ATXN1L: variants seen among roughly 807,000 people sequenced by gnomAD.
ATXN1L encodes ataxin-1-like.
ATXN1L carries 8 observed loss-of-function variants against 43.4 expected under a neutral mutation model. The ratio of observed to expected loss-of-function variants is 0.18; its 90% CI spans 0.11 to 0.33. The LOEUF (loss-of-function observed/expected upper bound fraction) is 0.33, where lower values mean the gene tolerates loss of function less well. Among genes scored for constraint, ATXN1L ranks in the 10% least tolerant of loss-of-function variants. The probability of loss-of-function intolerance (pLI) is 1.00; values close to 1 mark genes in which losing one functional copy is unlikely to be tolerated. For missense variants in ATXN1L, 856 were observed against 885.4 expected, an observed-to-expected ratio of 0.97 and a Z score of 0.42; for synonymous variants, 379 against 360.6, an observed-to-expected ratio of 1.05 and a Z score of -0.58.
rs2033544693 is a variant in ATXN1L at position 71,855,710 on chromosome 16, G to C, written c.*3900G>C. 6.0e-6 allele frequency: 1 copy of C among 167,070 alleles called. No homozygotes were observed. Among genetic ancestry groups the C allele is most frequent in the Non-Finnish European group, 1.5e-5 (1 of 68,118 alleles). The allele number at this position is 167,070 out of a possible 1,614,324, so 10.3% of individuals were successfully genotyped here. ...ACCTAGTCGATTGAATTGGCCATGG[G>C]AAGTTAGGTCACAGTCTTATAAACA... On this transcript the variant is annotated 3_prime_UTR_variant, in exon 3 of 3. Transcript: ENST00000427980.
In ATXN1L at chr16:71,854,415, C is replaced by T. The variant is rs537816086; in HGVS notation, c.*2605C>T. 1.3e-4 allele frequency: 22 copies of T among 167,164 alleles called. No individual in the cohort carries two copies. The highest frequency in any genetic ancestry group is 4.6e-4 in the Admixed American group (7 of 15,298). 10.4% of individuals were successfully genotyped at this position (167,164 alleles called of 1,614,324 possible). ...AGCAGTTCCTGTAATACCACAATAT[C>T]GTTCCATGCATATATAACATATTAA... On this transcript the variant is annotated 3_prime_UTR_variant, in exon 3 of 3. Coordinates refer to ENST00000427980, the MANE Select transcript of ATXN1L (RefSeq NM_001137675.4).
Position 71,850,407 on chromosome 16 carries a change from G to T in ATXN1L, c.667G>T (p.Ala223Ser). 1 of 1,551,588 alleles carries T rather than the reference G, an allele frequency of 6.4e-7. No individual in the cohort carries two copies. The highest frequency in any genetic ancestry group is 8.7e-7 in the Non-Finnish European group (1 of 1,146,936). The change falls in exon 3 of 3, where the codon GCT becomes TCT. Residue 223 changes from alanine to serine, a missense_variant. Physicochemically the swap from Ala to Ser is moderately conservative, Grantham distance 99. Transcript: ENST00000427980. ...TTCAAGTACTCAGCCGCTGGACCTT[G>T]CTCCAGGTCGGATGCCCATTTATTA... is the stretch of plus-strand genomic sequence containing the variant. ...HHSSTQPLDL[A>S]PGRMPIYYQM...
In ATXN1L at chr16:71,851,440, C is replaced by G; in HGVS notation, c.1700C>G (p.Pro567Arg). The G allele has an allele frequency of 6.4e-7, 1 of 1,551,596 alleles. No individual in the cohort carries two copies. The highest frequency in any genetic ancestry group is 8.7e-7 in the Non-Finnish European group (1 of 1,146,970). Residue 567 changes from proline (P) to arginine (R), a missense_variant, in exon 3 of 3, where the codon CCC (proline) becomes CGC (arginine). Around this residue, in one of 7 missense-constraint regions of ATXN1L, gnomAD observed 185 missense variants for 176.8 expected, o/e 1.05. Coordinates refer to ENST00000427980, the MANE Select transcript of ATXN1L (RefSeq NM_001137675.4). This position sits in a 1 kb window ranked among gnomAD's most constrained non-coding sequence, Gnocchi z 4.9. ...CGGACGACACAACTCTTCTCTCTGC[C>G]CTGCCATCGGCTACAGGTGGGAGAT... ...PGRTTQLFSL[P>R]CHRLQVGDVC...
At position 71,856,214 on chromosome 16, in the gene ATXN1L, G is replaced by C. The variant is rs1014354999; in HGVS notation, c.*4404G>C. 6.0e-6 allele frequency: 1 copy of C among 167,040 alleles called. No individual in the cohort carries two copies. Among genetic ancestry groups the C allele is most frequent in the African/African-American group, 2.4e-5 (1 of 41,430 alleles). 10.3% of individuals were successfully genotyped at this position (167,040 alleles called of 1,614,324 possible). A position where few individuals can be genotyped will look rare whatever the true frequency, so the allele number is the denominator to read the frequency against. On this transcript the variant is annotated 3_prime_UTR_variant, in exon 3 of 3. Transcript: ENST00000427980. ...CATAAATGCACTTTTCACACTAAAG[G>C]TTTCTTTATTAGTTCTCCAGTTAAA...
rs1054336695 is a variant in ATXN1L at position 71,850,297 on chromosome 16, C to T, written c.557C>T (p.Thr186Ile). The stretch of plus-strand genomic sequence containing the variant: ...GCCTCACTTCTGGCTGAAGGAGCCA[C>T]TCCTCCCCCACAGGCTCCCTCCCCG... ...PYASLLAEGA[T>I]PPPQAPSPAH... Residue 186 changes from threonine (T) to isoleucine (I), a missense_variant, in exon 3 of 3, where the codon ACT becomes ATT. By Grantham distance (89) the Thr-to-Ile change is moderately conservative (BLOSUM62 -1). Around this residue, in one of 7 missense-constraint regions of ATXN1L, gnomAD observed 490 missense variants for 449.4 expected, o/e 1.09. Transcript: ENST00000427980. The T allele has an allele frequency of 6.4e-7, 1 of 1,551,722 alleles. No individual in the cohort carries two copies. The highest frequency in any genetic ancestry group is 1.4e-5 in the African/African-American group (1 of 73,182).
In ATXN1L at chr16:71,846,120, A is replaced by G; in HGVS notation, c.-180+16A>G. The G allele has an allele frequency of 5.3e-6, 1 of 187,878 alleles. No homozygotes were observed. Among genetic ancestry groups the G allele is most frequent in the South Asian group, 6.8e-5 (1 of 14,780 alleles). The allele number at this position is 187,878 out of a possible 1,614,324, so 11.6% of individuals were successfully genotyped here. On this transcript the variant is annotated intron_variant, in intron 1 of 2. Coordinates refer to ENST00000427980, the MANE Select transcript of ATXN1L (RefSeq NM_001137675.4). ...AAATGGGCTGGTGAGTGTCCCTGGA[A>G]GTGGTGGCCGCCGGGGCCAGGCAGG...
intron 1 of ATXN1L, among the ~76,000 whole-genome samples, chr16:71,847,671 T>G (rs1226614138): frequency 6.6e-6 from 1 of 152,178 alleles, no homozygotes; most frequent in Non-Finnish European, 1.5e-5. Context: ...GCTTCCATTT[T>G]TATTTGTGCG....
Position 71,857,003 on chromosome 16 carries a change from C to T in ATXN1L, c.*5193C>T, listed in dbSNP as rs2033557433. 6.0e-6 allele frequency: 1 copy of T among 167,100 alleles called. No individual in the cohort carries two copies. The highest frequency in any genetic ancestry group is 1.5e-5 in the Non-Finnish European group (1 of 68,124). 10.4% of individuals were successfully genotyped at this position (167,100 alleles called of 1,614,324 possible). A position where few individuals can be genotyped will look rare whatever the true frequency, so the allele number is the denominator to read the frequency against. The stretch of plus-strand genomic sequence containing the variant: ...CTAAAGCCTTAGAACTAGTCAGGTG[C>T]TCCCTCCACCCAATACCATTTCTTA... On this transcript the variant is annotated 3_prime_UTR_variant, in exon 3 of 3. Transcript: ENST00000427980.
Position 71,855,645 on chromosome 16 carries a change from A to G in ATXN1L, c.*3835A>G, listed in dbSNP as rs2033544001. 1 of 167,144 alleles carries G rather than the reference A, an allele frequency of 6.0e-6. No homozygotes were observed. Among genetic ancestry groups the G allele is most frequent in the African/African-American group, 2.4e-5 (1 of 41,444 alleles). The allele number at this position is 167,144 out of a possible 1,614,324, so 10.4% of individuals were successfully genotyped here. ...GCTGGAGATGAAGGGTTGGACATGG[A>G]TTGACTGGGAAAAGGCCTGGGTCCA... On this transcript the variant is annotated 3_prime_UTR_variant, in exon 3 of 3. Coordinates refer to ENST00000427980, the MANE Select transcript of ATXN1L (RefSeq NM_001137675.4).
intron 1 of ATXN1L, among the ~76,000 whole-genome samples, chr16:71,847,024 C>T (rs972933925): frequency 6.6e-6 from 1 of 152,178 alleles, no homozygotes; most frequent in African/African-American, 2.4e-5. Context: ...ATTTATGCCA[C>T]TGTGTAATAA....
Position 71,851,115 on chromosome 16 carries a change from C to A in ATXN1L, c.1375C>A (p.Pro459Thr). Residue 459 changes from proline (P) to threonine (T), a missense_variant, in exon 3 of 3, where the codon CCC becomes ACC. Physicochemically the swap from Pro to Thr is conservative, Grantham distance 38. Transcript: ENST00000427980. The surrounding 1 kb of genome is among the most constrained non-coding windows in gnomAD (Gnocchi z 4.9). ...CCCAGACAAGGAGCCAACGCCGCCC[C>A]CCATTACCTCCTCTCACTTGCCTTC... ...TFPDKEPTPP[P>T]ITSSHLPSHF... The A allele has an allele frequency of 6.4e-7, 1 of 1,551,640 alleles. No individual in the cohort carries two copies. Among genetic ancestry groups the A allele is most frequent in the East Asian group, 2.4e-5 (1 of 40,916 alleles).
chr16:71,855,632 G>A lies in ATXN1L; in HGVS notation c.*3822G>A, dbSNP rs569672737. On this transcript the variant is annotated 3_prime_UTR_variant, in exon 3 of 3. Coordinates refer to ENST00000427980, the MANE Select transcript of ATXN1L (RefSeq NM_001137675.4). Reference sequence around the variant, plus strand: ...GTTGAGTGATCACGCTGGAGATGAAGGGTTGGACATGGATTGACTGGGAAA... The same window carrying A: ...GTTGAGTGATCACGCTGGAGATGAAAGGTTGGACATGGATTGACTGGGAAA... 1 of 167,282 alleles carries A rather than the reference G, an allele frequency of 6.0e-6. No homozygotes were observed. The highest frequency in any genetic ancestry group is 1.9e-4 in the East Asian group (1 of 5,192). 10.4% of individuals were successfully genotyped at this position (167,282 alleles called of 1,614,324 possible). A position where few individuals can be genotyped will look rare whatever the true frequency, so the allele number is the denominator to read the frequency against.
Position 71,851,709 on chromosome 16 carries a change from A to G in ATXN1L, c.1969A>G (p.Ser657Gly). 1.3e-6 allele frequency: 2 copies of G among 1,483,400 alleles called. No individual in the cohort carries two copies. Among genetic ancestry groups the G allele is most frequent in the Non-Finnish European group, 9.0e-7 (1 of 1,112,098 alleles). The allele number at this position is 1,483,400 out of a possible 1,614,324, so 91.9% of individuals were successfully genotyped here. The change falls in exon 3 of 3, where the codon AGC becomes GGC. Residue 657 changes from serine to glycine, a missense_variant. By Grantham distance (56) the Ser-to-Gly change is moderately conservative (BLOSUM62 0). This residue lies in a region of ATXN1L where 185 missense variants were observed against 176.8 expected (regional missense o/e 1.05). Coordinates refer to ENST00000427980, the MANE Select transcript of ATXN1L (RefSeq NM_001137675.4). The surrounding 1 kb of genome is among the most constrained non-coding windows in gnomAD (Gnocchi z 4.9). ...GCCAGCCCCGAGCTTCCAAAGATACAGCATGCAAGGGGAGGAGGCACGGGC... is the reference window on the plus strand; with the variant it reads ...GCCAGCCCCGAGCTTCCAAAGATACGGCATGCAAGGGGAGGAGGCACGGGC... ...CWPAPSFQRYSMQGEEARAAL... is the reference protein window; with the variant it reads ...CWPAPSFQRYGMQGEEARAAL...
rs2033498778 is a variant in ATXN1L, at chr16:71,851,228, T to C, written c.1488T>C (p.Ser496=). The C allele has an allele frequency of 6.4e-7, 1 of 1,551,516 alleles. No individual in the cohort carries two copies. Among genetic ancestry groups the C allele is most frequent in the African/African-American group, 1.4e-5 (1 of 73,024 alleles). The change falls in exon 3 of 3, where the codon AGT becomes AGC. Residue 496 remains serine (S), a synonymous_variant. Coordinates refer to ENST00000427980, the MANE Select transcript of ATXN1L (RefSeq NM_001137675.4). The surrounding 1 kb of genome is among the most constrained non-coding windows in gnomAD (Gnocchi z 4.9). ...EDLQTQDFVR[S]AEVSGGLKID... The stretch of plus-strand genomic sequence containing the variant: ...TCCAGACCCAGGATTTTGTGCGCAG[T>C]GCCGAAGTGAGCGGGGGGCTGAAGA...
Position 71,855,278 on chromosome 16 carries a change from A to G in ATXN1L, c.*3468A>G, listed in dbSNP as rs935958479. On this transcript the variant is annotated 3_prime_UTR_variant, in exon 3 of 3. Coordinates refer to ENST00000427980, the MANE Select transcript of ATXN1L (RefSeq NM_001137675.4). ...GTGCTGTTGGGAGCCCTCTGGCTCC[A>G]AATGTCTGACTATCTTGAGGGAGAA... The G allele has an allele frequency of 1.2e-5, 2 of 167,158 alleles. No individual in the cohort carries two copies. The highest frequency in any genetic ancestry group is 4.8e-5 in the African/African-American group (2 of 41,480). 10.4% of individuals were successfully genotyped at this position (167,158 alleles called of 1,614,324 possible). A position where few individuals can be genotyped will look rare whatever the true frequency, so the allele number is the denominator to read the frequency against.
chr16:71,846,117 G>C lies in ATXN1L; in HGVS notation c.-180+13G>C, dbSNP rs1395305574. ...GTGAAATGGGCTGGTGAGTGTCCCT[G>C]GAAGTGGTGGCCGCCGGGGCCAGGC... On this transcript the variant is annotated intron_variant, in intron 1 of 2. Transcript: ENST00000427980. 2 of 188,906 alleles carry C rather than the reference G, an allele frequency of 1.1e-5. No individual in the cohort carries two copies. Among genetic ancestry groups the C allele is most frequent in the African/African-American group, 4.8e-5 (2 of 41,866 alleles). 11.7% of individuals were successfully genotyped at this position (188,906 alleles called of 1,614,324 possible). A position where few individuals can be genotyped will look rare whatever the true frequency, so the allele number is the denominator to read the frequency against.
Position 71,853,330 on chromosome 16 carries a change from T to C in ATXN1L, c.*1520T>C, listed in dbSNP as rs1192556428. Reference sequence around the variant, plus strand: ...ATCAGCTCAGACCGTGGGGTTCCACTGGGTATTGGGAATTAGGCTCCCCCA... The same window carrying C: ...ATCAGCTCAGACCGTGGGGTTCCACCGGGTATTGGGAATTAGGCTCCCCCA... On this transcript the variant is annotated 3_prime_UTR_variant, in exon 3 of 3. Transcript: ENST00000427980. 1 of 166,938 alleles carries C rather than the reference T, an allele frequency of 6.0e-6. No homozygotes were observed. The highest frequency in any genetic ancestry group is 1.9e-4 in the East Asian group (1 of 5,190). The allele number at this position is 166,938 out of a possible 1,614,324, so 10.3% of individuals were successfully genotyped here. A position where few individuals can be genotyped will look rare whatever the true frequency, so the allele number is the denominator to read the frequency against.
At position 71,854,146 on chromosome 16, in the gene ATXN1L, T is replaced by C. The variant is rs369186662; in HGVS notation, c.*2336T>C. ...GGCTCATCAACTGAATTTAGTGACATGTACACAGTAGATGCTCAAGCAGTG... is the reference window on the plus strand; with the variant it reads ...GGCTCATCAACTGAATTTAGTGACACGTACACAGTAGATGCTCAAGCAGTG... On this transcript the variant is annotated 3_prime_UTR_variant, in exon 3 of 3. Coordinates refer to ENST00000427980, the MANE Select transcript of ATXN1L (RefSeq NM_001137675.4). 3.0e-5 allele frequency: 5 copies of C among 167,232 alleles called. No homozygotes were observed. The highest frequency in any genetic ancestry group is 1.2e-4 in the African/African-American group (5 of 41,586). 10.4% of individuals were successfully genotyped at this position (167,232 alleles called of 1,614,324 possible). A position where few individuals can be genotyped will look rare whatever the true frequency, so the allele number is the denominator to read the frequency against.
chr16:71,851,683 G>T lies in ATXN1L; in HGVS notation c.1943G>T (p.Trp648Leu). 1 of 1,500,862 alleles carries T rather than the reference G, an allele frequency of 6.7e-7. No homozygotes were observed. The highest frequency in any genetic ancestry group is 8.9e-7 in the Non-Finnish European group (1 of 1,119,642). 93.0% of individuals were successfully genotyped at this position (1,500,862 alleles called of 1,614,324 possible). Residue 648 changes from tryptophan (W) to leucine (L), a missense_variant, in exon 3 of 3, where the codon TGG becomes TTG. Physicochemically the swap from Trp to Leu is moderately conservative, Grantham distance 61. Around this residue, in one of 7 missense-constraint regions of ATXN1L, gnomAD observed 185 missense variants for 176.8 expected, o/e 1.05. Coordinates refer to ENST00000427980, the MANE Select transcript of ATXN1L (RefSeq NM_001137675.4). This position sits in a 1 kb window ranked among gnomAD's most constrained non-coding sequence, Gnocchi z 4.9. ...CCTGAGTCCGGTGCTCAGGCCTGCT[G>T]GCCAGCCCCGAGCTTCCAAAGATAC... The part of the protein sequence containing the change: ...SQPESGAQAC[W>L]PAPSFQRYSM...
Sources: allele counts gnomAD v4.1 joint callset (sites outside exome capture counted in the v4.1 genomes callset), GRCh38; gene constraint gnomAD v4.1.1; regional missense constraint gnomAD v4.1.1; non-coding constraint Gnocchi (gnomAD v3.1); transcripts MANE v1.5; gene names NCBI Gene and HGNC (gene_info 2026-07-23, HGNC 2026-07-21).